The following NRG1 variants were observed in gnomAD, a reference collection of about 807,000 sequenced individuals.
NRG1 encodes the protein pro-neuregulin-1, membrane-bound isoform.
Under a neutral mutation model 63.8 loss-of-function variants are expected in NRG1, and 18 were observed. The observed-to-expected ratio is 0.28, with a 90% CI of 0.19 to 0.42. The LOEUF (loss-of-function observed/expected upper bound fraction) is 0.42, where lower values mean the gene tolerates loss of function less well. Ranked by LOEUF, NRG1 falls within the 10% of genes least tolerant of loss-of-function variation. The pLI is 1.00. For synonymous variants in NRG1, 302 were observed against 301.3 expected (o/e 1.00, Z -0.02); for missense variants, 762 against 814.7 (o/e 0.94, Z 0.79).
At chr8:32,313,968 C>T (rs1857093251) in intron 1 of NRG1, among the ~76,000 whole-genome samples, 1 of 152,116 alleles carries the variant, frequency 6.6e-6, no homozygotes, top group African/African-American at 2.4e-5. Flanking sequence ...CAAGCAGACA[C>T]TACTTTTGGC....
chr8:32,414,685 C>T (rs1587492370), intron 1 of NRG1, among the ~76,000 whole-genome samples: 1 of 152,074 alleles, frequency 6.6e-6, no homozygotes, highest in Non-Finnish European at 1.5e-5. Context: ...GTAGTGCCAA[C>T]GTGCCTGGAA....
At chr8:32,305,626 G>C (rs1856105507) in intron 1 of NRG1, among the ~76,000 whole-genome samples, 1 of 152,144 alleles carries the variant, frequency 6.6e-6, no homozygotes, top group African/African-American at 2.4e-5. Flanking sequence ...ACCAGCCTTG[G>C]TTTGCCCCAG....
chr8:32,223,968 G>T (rs536045420), intron 1 of NRG1, among the ~76,000 whole-genome samples: 10 of 152,138 alleles, frequency 6.6e-5, no homozygotes, highest in Non-Finnish European at 7.4e-5. Flanking sequence ...GGCCTGGAAG[G>T]AGAGGAACAG....
At chr8:32,042,313 C>T (rs73588435) in intron 1 of NRG1, among the ~76,000 whole-genome samples, 4,036 of 151,942 alleles carry the variant, frequency 0.027, 182 homozygotes, top group African/African-American at 0.09. Flanking sequence ...AAAAGCTGGG[C>T]ATAGTGGCAT....
Position 32,325,300 on chromosome 8 carries a change from G to A in NRG1, c.38-270528G>A, listed in dbSNP as rs796133886. The stretch of plus-strand genomic sequence containing the variant: ...TCATAATTCAAAACAGCTGTTACGG[G>A]GTGGGGCACAATGGCATTGATATCA... On this transcript the variant is annotated intron_variant, in intron 1 of 10. Transcript: ENST00000519301. Among the ~76,000 whole-genome samples the A allele has an allele frequency of 1.8e-4, 27 of 152,266 alleles. 1 individual carries two copies. The highest frequency in any genetic ancestry group is 6.3e-4 in the African/African-American group (26 of 41,562).
intron 1 of NRG1, among the ~76,000 whole-genome samples, chr8:32,496,215 T>C (rs1330675225): frequency 6.6e-6 from 1 of 152,170 alleles, no homozygotes; most frequent in Non-Finnish European, 1.5e-5. Flanking sequence ...GTTAACAGAA[T>C]ATTAGATGTT....
intron 1 of NRG1, among the ~76,000 whole-genome samples, chr8:32,261,149 A>T (rs1482119891): frequency 6.6e-6 from 1 of 152,202 alleles, no homozygotes; most frequent in Non-Finnish European, 1.5e-5. Flanking sequence ...CTAATGTGGA[A>T]AACTTACATA....
chr8:32,179,447 C>G (rs1168961530), intron 1 of NRG1, among the ~76,000 whole-genome samples: 1 of 152,150 alleles, frequency 6.6e-6, no homozygotes, highest in Admixed American at 6.6e-5. Context: ...GGATTTTCGT[C>G]TATTTATTTG....
intron 1 of NRG1, chr8:32,220,801 C>T (rs1362609256): frequency 6.6e-6 from 1 of 152,236 alleles, no homozygotes; most frequent in African/African-American, 2.4e-5. Flanking sequence ...AGGAGCTTGC[C>T]GGTGATGTCA....
intron 1 of NRG1, among the ~76,000 whole-genome samples, chr8:31,934,057 C>T (rs574513930): frequency 8.5e-5 from 13 of 152,246 alleles, no homozygotes; most frequent in Admixed American, 1.3e-4. Context: ...GAAACCTATT[C>T]ACATATACGT....
intron 1 of NRG1, among the ~76,000 whole-genome samples, chr8:31,826,148 C>T (rs1157851207): frequency 1.3e-5 from 2 of 152,134 alleles, no homozygotes; most frequent in East Asian, 1.9e-4. Flanking sequence ...CCTAGGTGAA[C>T]CCATGGGTCT....
intron 1 of NRG1, among the ~76,000 whole-genome samples, chr8:31,785,602 G>A (rs1426338489): frequency 6.6e-6 from 1 of 152,144 alleles, no homozygotes; most frequent in Non-Finnish European, 1.5e-5. Flanking sequence ...TTTGAGGTGT[G>A]TTTTGTACTT....
chr8:32,252,577 A>G (rs772275035), intron 1 of NRG1, among the ~76,000 whole-genome samples: 3 of 152,166 alleles, frequency 2.0e-5, no homozygotes, highest in African/African-American at 4.8e-5. Context: ...TACCAGTACC[A>G]TGCTGTTTGG....
chr8:32,652,813 C>T (rs1197908570), intron 5 of NRG1, among the ~76,000 whole-genome samples: 1 of 152,018 alleles, frequency 6.6e-6, no homozygotes, highest in East Asian at 1.9e-4. Context: ...CATTTCTGTA[C>T]TCCCAGAAAA....
At chr8:32,567,979 C>A (rs1473700848) in intron 1 of NRG1, among the ~76,000 whole-genome samples, 1 of 152,228 alleles carries the variant, frequency 6.6e-6, no homozygotes, top group East Asian at 1.9e-4. Flanking sequence ...CTCCAGTAAT[C>A]ATATTTGGCA....
At chr8:31,664,464 A>G (rs889959863) in intron 1 of NRG1, among the ~76,000 whole-genome samples, 2 of 152,188 alleles carry the variant, frequency 1.3e-5, no homozygotes, top group African/African-American at 4.8e-5. Flanking sequence ...TCAGAGCCAG[A>G]TGGAGGAATT....
chr8:32,068,092 G>A (rs1008812775), intron 1 of NRG1, among the ~76,000 whole-genome samples: 14 of 152,138 alleles, frequency 9.2e-5, no homozygotes, highest in South Asian at 8.3e-4. Flanking sequence ...GGGATGGCAT[G>A]GTTACTGTAT....
At chr8:31,777,044 C>A (rs899994312) in intron 1 of NRG1, among the ~76,000 whole-genome samples, 1 of 152,120 alleles carries the variant, frequency 6.6e-6, no homozygotes, top group African/African-American at 2.4e-5. Flanking sequence ...TGGCACTATT[C>A]ACAATAGCGA....
intron 1 of NRG1, among the ~76,000 whole-genome samples, chr8:32,555,822 G>A (rs763645681): frequency 6.6e-6 from 1 of 152,202 alleles, no homozygotes. Flanking sequence ...TGGTTTACCT[G>A]CTTATGTTAA....
Sources: gnomAD v4.1 joint callset for allele counts (sites outside exome capture counted in the v4.1 genomes callset) on GRCh38, gnomAD v4.1.1 for gene constraint, MANE v1.5 for transcripts, NCBI Gene and HGNC (gene_info 2026-07-23, HGNC 2026-07-21) for gene names.